The following RCOR3 variants were observed in gnomAD, a reference collection of about 807,000 sequenced individuals.
RCOR3 encodes the protein REST corepressor 3.
Under a neutral mutation model 64.1 loss-of-function variants are expected in RCOR3, and 13 were observed. The ratio of observed to expected loss-of-function variants is 0.20; its 90% CI spans 0.13 to 0.32. The LOEUF (loss-of-function observed/expected upper bound fraction) is 0.32, where lower values mean the gene tolerates loss of function less well. RCOR3 is among the 10% of genes least tolerant of loss of function. The probability of loss-of-function intolerance (pLI) is 1.00; values close to 1 mark genes in which losing one functional copy is unlikely to be tolerated. For missense variants in RCOR3, 489 were observed against 701.2 expected, an observed-to-expected ratio of 0.70 and a Z score of 3.42; for synonymous variants, 215 against 239.0, an observed-to-expected ratio of 0.90 and a Z score of 0.93.
chr1:211,283,381 A>G (rs1698090484), intron 7 of RCOR3, among the ~76,000 whole-genome samples: 1 of 152,152 alleles, frequency 6.6e-6, no homozygotes, highest in Admixed American at 6.5e-5. Flanking sequence ...GAATGGAGTC[A>G]CTCTATTTTA....
chr1:211,295,872 T>C (rs539198881), intron 9 of RCOR3, 119 bp downstream of exon 9: 1 of 639,254 alleles, frequency 1.6e-6, no homozygotes, highest in Non-Finnish European at 2.8e-6. Flanking sequence ...TTTCATAATA[T>C]GGATAATTTA....
rs549041466 is a variant in RCOR3 at position 211,309,560 on chromosome 1, T to G, written c.1076-3160T>G. ...AACAATTTTTTTCTTCCTGGGAAAC[T>G]TACTATTTGCCTGTTTATTCCACCA... is the stretch of plus-strand genomic sequence containing the variant. On this transcript the variant is annotated intron_variant, in intron 10 of 11. Transcript: ENST00000419091. Among the ~76,000 whole-genome samples, 8 of 152,336 alleles carry G rather than the reference T, an allele frequency of 5.3e-5. No homozygotes were observed. The South Asian group carries it at 1.4e-3, about 28-fold the overall frequency.
intron 8 of RCOR3, among the ~76,000 whole-genome samples, chr1:211,290,027 A>G (rs138955926): frequency 0.012 from 1,839 of 152,338 alleles, 14 homozygotes; most frequent in Middle Eastern, 0.071. Flanking sequence ...ATATATGGTA[A>G]GTGCTTAAAA....
chr1:211,306,665 T>C (rs1700880577), intron 10 of RCOR3, among the ~76,000 whole-genome samples: 1 of 152,200 alleles, frequency 6.6e-6, no homozygotes, highest in East Asian at 1.9e-4. Context: ...TGAGATCATT[T>C]CCTTTCGTAG....
rs1296835121 is a variant in RCOR3, at chr1:211,306,209, C to G, written c.1075+2069C>G. On this transcript the variant is annotated intron_variant, in intron 10 of 11. Transcript: ENST00000419091. ...TGTGCCCATGCATTTATATAGTGGT[C>G]AGAAGTGTGTCTTATAAATAGTATA... Among the ~76,000 whole-genome samples the G allele has an allele frequency of 2.0e-5, 3 of 152,116 alleles. No homozygotes were observed. In the East Asian group the frequency reaches 5.8e-4, roughly 29 times the overall value.
At chr1:211,272,565 C>T (rs939982818) in intron 3 of RCOR3, among the ~76,000 whole-genome samples, 23 of 144,068 alleles carry the variant, frequency 1.6e-4, no homozygotes, top group Middle Eastern at 3.7e-3. Context: ...GTCTCTTTCT[C>T]AGACCAATTA....
intron 9 of RCOR3, 59 bp downstream of exon 9, chr1:211,295,812 C>A: frequency 7.4e-7 from 1 of 1,351,328 alleles, no homozygotes; most frequent in Non-Finnish European, 1.1e-6. Context: ...TTTCAGTTAT[C>A]TAGTGCCCAA....
chr1:211,265,224 GATA>G (rs773014460), intron 2 of RCOR3, among the ~76,000 whole-genome samples: 1 of 152,102 alleles, frequency 6.6e-6, no homozygotes, highest in Non-Finnish European at 1.5e-5. Context: ...TATTAAGTTT[GATA>G]ATAAAGTCTT....
At chr1:211,271,182 C>A in intron 2 of RCOR3, 50 bp from the exon 3 acceptor site, 2 of 1,522,890 alleles carry the variant, frequency 1.3e-6, no homozygotes, top group South Asian at 1.1e-5. Flanking sequence ...TACTTATTTT[C>A]AGTGTAAATA....
At chr1:211,269,456 G>A (rs943487159) in intron 2 of RCOR3, among the ~76,000 whole-genome samples, 6 of 152,134 alleles carry the variant, frequency 3.9e-5, no homozygotes, top group Admixed American at 6.5e-5. Flanking sequence ...AATTAGCTGG[G>A]TGTGGTTGTG....
At chr1:211,274,999 GTATT>G (rs1242746042) in intron 4 of RCOR3, among the ~76,000 whole-genome samples, 3 of 150,968 alleles carry the variant, frequency 2.0e-5, no homozygotes, top group African/African-American at 7.3e-5. Context: ...AGACTATAAT[GTATT>G]TATATGATGT....
At chr1:211,288,240 T>C (rs1434353995) in intron 7 of RCOR3, among the ~76,000 whole-genome samples, 1 of 151,770 alleles carries the variant, frequency 6.6e-6, no homozygotes, top group Non-Finnish European at 1.5e-5. Context: ...TTATTAAATA[T>C]ATTCATTGAA....
rs1701788465 is a variant in RCOR3 at position 211,314,885 on chromosome 1, G to A, written c.*1117G>A. ...CCTGTATTCGTGGGATTGGTGTAGG[G>A]TTAAATCATCAACATTATTTCATAA... On this transcript the variant is annotated 3_prime_UTR_variant, in exon 12 of 12. Coordinates refer to ENST00000419091, the MANE Select transcript of RCOR3 (RefSeq NM_001136223.3). 1 of 152,110 alleles carries A rather than the reference G, an allele frequency of 6.6e-6. No individual in the cohort carries two copies. Among genetic ancestry groups the A allele is most frequent in the South Asian group, 2.1e-4 (1 of 4,832 alleles). The allele number at this position is 152,110 out of a possible 1,614,324, so 9.4% of individuals were successfully genotyped here.
Position 211,271,573 on chromosome 1 carries a change from T to G in RCOR3, c.301+264T>G, listed in dbSNP as rs141082735. Reference sequence around the variant, plus strand: ...CCTAGGATCTGATGGCATTGCTGCTTAAATCCTCAAGCAGGGGAGGGAGTT... The same window carrying G: ...CCTAGGATCTGATGGCATTGCTGCTGAAATCCTCAAGCAGGGGAGGGAGTT... On this transcript the variant is annotated intron_variant, in intron 3 of 11. Transcript: ENST00000419091. 8.5e-5 allele frequency: 47 copies of G among 549,812 alleles called. 1 individual carries two copies. The highest frequency in any genetic ancestry group is 7.7e-4 in the African/African-American group (41 of 53,532). The allele number at this position is 549,812 out of a possible 1,614,324, so 34.1% of individuals were successfully genotyped here.
intron 8 of RCOR3, among the ~76,000 whole-genome samples, chr1:211,293,057 C>G (rs922620437): frequency 3.3e-5 from 5 of 149,728 alleles, no homozygotes; most frequent in Non-Finnish European, 7.4e-5. Flanking sequence ...GCACTCTAGC[C>G]TGGGCGACAG....
intron 8 of RCOR3, among the ~76,000 whole-genome samples, chr1:211,294,255 A>G (rs1699591654): frequency 1.3e-5 from 2 of 152,204 alleles, no homozygotes; most frequent in Non-Finnish European, 2.9e-5. Context: ...TATGAACCAT[A>G]CATATATGGT....
chr1:211,308,508 A>G (rs910600098), intron 10 of RCOR3, among the ~76,000 whole-genome samples: 13 of 152,102 alleles, frequency 8.5e-5, no homozygotes, highest in African/African-American at 2.9e-4. Flanking sequence ...TTGTATTCCT[A>G]TTATTTCAAA....
intron 7 of RCOR3, among the ~76,000 whole-genome samples, chr1:211,287,897 A>G (rs557666329): frequency 1.3e-5 from 2 of 152,002 alleles, no homozygotes; most frequent in African/African-American, 2.4e-5. Context: ...AATTTTACTA[A>G]GAGTTCCTTT....
chr1:211,267,920 A>C (rs1695478344), intron 2 of RCOR3: 1 of 352,876 alleles, frequency 2.8e-6, no homozygotes, highest in Non-Finnish European at 5.4e-6. Flanking sequence ...ATGGGGAAAA[A>C]TTTAAAAAAA....
Sources: allele counts gnomAD v4.1 joint callset (sites outside exome capture counted in the v4.1 genomes callset), GRCh38; gene constraint gnomAD v4.1.1; transcripts MANE v1.5; gene names NCBI Gene and HGNC (gene_info 2026-07-23, HGNC 2026-07-21).